Variants in SCAPER observed in about 807,000 individuals in gnomAD.
SCAPER encodes the protein S phase cyclin A-associated protein in the endoplasmic reticulum.
SCAPER carries 98 observed loss-of-function variants against 182.2 expected under a neutral mutation model. The ratio of observed to expected loss-of-function variants is 0.54; its 90% CI spans 0.46 to 0.64. SCAPER has a LOEUF of 0.64. SCAPER is among the 30% of genes least tolerant of loss of function. The pLI is 0.00. For synonymous variants in SCAPER, 605 were observed against 564.6 expected (o/e 1.07, Z -1.01); for missense variants, 1,432 against 1,690.0 (o/e 0.85, Z 2.68).
At chr15:76,711,903 T>C (rs2059600607) in intron 17 of SCAPER, among the ~76,000 whole-genome samples, 2 of 152,196 alleles carry the variant, frequency 1.3e-5, no homozygotes, top group South Asian at 2.1e-4. Flanking sequence ...TTCACTCTGA[T>C]GGCAGTTTCT....
At chr15:76,425,685 A>G (rs1354362655) in intron 26 of SCAPER, among the ~76,000 whole-genome samples, 1 of 152,082 alleles carries the variant, frequency 6.6e-6, no homozygotes, top group African/African-American at 2.4e-5. Context: ...GGAGGGTGAG[A>G]GGTGCTCTGA....
chr15:76,349,206 C>T (rs919475441), intron 31 of SCAPER: 14 of 151,450 alleles, frequency 9.2e-5, no homozygotes, highest in African/African-American at 3.2e-4. Flanking sequence ...TCAAAAAAAA[C>T]AAAAAACAAA....
rs963215964 is a variant in SCAPER, at chr15:76,642,928, T to G, written c.2646-21099A>C. 1.4e-4 allele frequency among the ~76,000 whole-genome samples: 22 copies of G among 152,184 alleles called. 1 individual carries two copies. The highest frequency in any genetic ancestry group is 1.1e-3 in the Admixed American group (17 of 15,276). On this transcript the variant is annotated intron_variant, in intron 21 of 31. Coordinates refer to ENST00000563290, the MANE Select transcript of SCAPER (RefSeq NM_020843.4). The stretch of plus-strand genomic sequence containing the variant: ...CCAGCACATATCCAAAAGGTAGGGT[T>G]AGGAGGAAATTATTTCTTTTACAAA...
intron 20 of SCAPER, among the ~76,000 whole-genome samples, chr15:76,681,171 C>G (rs933655169): frequency 6.6e-6 from 1 of 152,070 alleles, no homozygotes; most frequent in Non-Finnish European, 1.5e-5. Flanking sequence ...ATAGTTATAC[C>G]TCAAAGCTCT....
At chr15:76,348,928 C>A in intron 31 of SCAPER, 192 bp from the exon 32 acceptor site, 3 of 423,934 alleles carry the variant, frequency 7.1e-6, no homozygotes, top group East Asian at 3.7e-5. Flanking sequence ...AAATATATGA[C>A]ATATATTTTA....
intron 14 of SCAPER, among the ~76,000 whole-genome samples, chr15:76,759,755 G>A (rs2062665961): frequency 6.6e-6 from 1 of 152,072 alleles, no homozygotes; most frequent in South Asian, 2.1e-4. Flanking sequence ...TATTCATGTA[G>A]TATATTGCAT....
At chr15:76,827,356 G>C (rs2068101710) in intron 5 of SCAPER, among the ~76,000 whole-genome samples, 2 of 152,142 alleles carry the variant, frequency 1.3e-5, no homozygotes, top group Non-Finnish European at 2.9e-5. Context: ...CGGTCCTGAG[G>C]ACTCAGCTTT....
intron 20 of SCAPER, among the ~76,000 whole-genome samples, chr15:76,695,989 A>G (rs2058639022): frequency 6.6e-6 from 1 of 152,236 alleles, no homozygotes; most frequent in Non-Finnish European, 1.5e-5. Flanking sequence ...GAAAAAAACC[A>G]GAAGATTTAT....
At position 76,825,945 on chromosome 15, in the gene SCAPER, A is replaced by G. The variant is rs537213318; in HGVS notation, c.393+15789T>C. Among the ~76,000 whole-genome samples the G allele has an allele frequency of 4.6e-5, 7 of 152,246 alleles. 1 individual carries two copies. Among genetic ancestry groups the G allele is most frequent in the African/African-American group, 1.7e-4 (7 of 41,542 alleles). The stretch of plus-strand genomic sequence containing the variant: ...TTTTTAGTAGAAACGGGGTTTCACC[A>G]TATTGGTCAGGCTGGTCTCGAACTC... On this transcript the variant is annotated intron_variant, in intron 5 of 31. Coordinates refer to ENST00000563290, the MANE Select transcript of SCAPER (RefSeq NM_020843.4).
At chr15:76,678,885 C>T (rs1182101505) in intron 20 of SCAPER, among the ~76,000 whole-genome samples, 2 of 152,146 alleles carry the variant, frequency 1.3e-5, no homozygotes, top group Non-Finnish European at 2.9e-5. Flanking sequence ...GTATCAAGGA[C>T]TTATGCTAAC....
chr15:76,796,736 G>A (rs1263932461), intron 7 of SCAPER, among the ~76,000 whole-genome samples: 1 of 152,172 alleles, frequency 6.6e-6, no homozygotes, highest in Non-Finnish European at 1.5e-5. Flanking sequence ...ACACACCAAT[G>A]AAGTGCATTA....
chr15:76,354,271 A>T lies in SCAPER; in HGVS notation c.3856-131T>A. On this transcript the variant is annotated intron_variant, in intron 29 of 31. Transcript: ENST00000563290. This position sits in a 1 kb window ranked among gnomAD's most constrained non-coding sequence, Gnocchi z 4.4. ...TAAAGAAAAAGACTCCTGACTCCGT[A>T]CCAGAGCTTAATTTAAGTGATACTT... 1.5e-6 allele frequency: 1 copy of T among 666,528 alleles called. No homozygotes were observed. Among genetic ancestry groups the T allele is most frequent in the Non-Finnish European group, 2.3e-6 (1 of 429,676 alleles). The allele number at this position is 666,528 out of a possible 1,614,324, so 41.3% of individuals were successfully genotyped here.
chr15:76,785,712 T>C (rs1773190611), intron 8 of SCAPER, among the ~76,000 whole-genome samples: 1 of 152,004 alleles, frequency 6.6e-6, no homozygotes, highest in Admixed American at 6.5e-5. Context: ...AAAGGATGAG[T>C]TCATGTCCTT....
rs138123696 is a variant in SCAPER at position 76,609,687 on chromosome 15, T to C, written c.2711+12077A>G. On this transcript the variant is annotated intron_variant, in intron 22 of 31. Transcript: ENST00000563290. ...CTCCTCAAATTGCATGTTTTGACTT[T>C]TAGTATATCCTGTCAGATTTTTGAA... 5.9e-5 allele frequency among the ~76,000 whole-genome samples: 9 copies of C among 152,356 alleles called. No homozygotes were observed. In the East Asian group the frequency reaches 1.7e-3, roughly 29 times the overall value.
Position 76,652,371 on chromosome 15 carries a change from C to CATATATAT in SCAPER, c.2645+13274_2645+13281dup, listed in dbSNP as rs56164668. Among the ~76,000 whole-genome samples the CATATATAT allele has an allele frequency of 8.5e-3, 68 of 8,010 alleles. 4 individuals carry two copies. The highest frequency in any genetic ancestry group is 0.025 in the Middle Eastern group (1 of 40). 5.3% of individuals were successfully genotyped at this position (8,010 alleles called of 152,430 possible). A position where few individuals can be genotyped will look rare whatever the true frequency, so the allele number is the denominator to read the frequency against. On this transcript the variant is annotated intron_variant, in intron 21 of 31. Transcript: ENST00000563290. ...ACACACACACACACACACACACACACATATATATATATATATATATATATA... is the reference window on the plus strand; with the variant it reads ...ACACACACACACACACACACACACACATATATATATATATATATATATATATATATATA...
chr15:76,518,034 T>C (rs1243517997), intron 23 of SCAPER, among the ~76,000 whole-genome samples: 1 of 152,172 alleles, frequency 6.6e-6, no homozygotes, highest in Non-Finnish European at 1.5e-5. Flanking sequence ...TGAGTAGTTC[T>C]TTTAACCAGT....
chr15:76,599,399 C>T lies in SCAPER; in HGVS notation c.2711+22365G>A, dbSNP rs2049750144. Among the ~76,000 whole-genome samples, 2 of 121,940 alleles carry T rather than the reference C, an allele frequency of 1.6e-5. 1 individual carries two copies. Among genetic ancestry groups the T allele is most frequent in the African/African-American group, 5.0e-5 (2 of 39,912 alleles). 80.0% of individuals were successfully genotyped at this position (121,940 alleles called of 152,430 possible). On this transcript the variant is annotated intron_variant, in intron 22 of 31. Transcript: ENST00000563290. ...CATACACATATCAAAGGACTTTGCACATTCATGCCTAGGTGTTCACCCAAT... is the reference window on the plus strand; with the variant it reads ...CATACACATATCAAAGGACTTTGCATATTCATGCCTAGGTGTTCACCCAAT...
chr15:76,741,503 C>T (rs1430425457), intron 15 of SCAPER, among the ~76,000 whole-genome samples: 1 of 151,800 alleles, frequency 6.6e-6, no homozygotes, highest in African/African-American at 2.4e-5. Context: ...GGAGGAGGAA[C>T]AAAAGGGAAG....
intron 27 of SCAPER, among the ~76,000 whole-genome samples, chr15:76,393,455 T>C (rs978625622): frequency 4.6e-5 from 7 of 152,158 alleles, no homozygotes; most frequent in Admixed American, 3.9e-4. Flanking sequence ...CAACAAAATA[T>C]TTAGGAATGG....
Sources: allele counts gnomAD v4.1 joint callset (sites outside exome capture counted in the v4.1 genomes callset), GRCh38; gene constraint gnomAD v4.1.1; non-coding constraint Gnocchi (gnomAD v3.1); transcripts MANE v1.5; gene names NCBI Gene and HGNC (gene_info 2026-07-23, HGNC 2026-07-21).